The following NYAP2 variants were observed in gnomAD, a reference collection of about 807,000 sequenced individuals.
NYAP2 encodes neuronal tyrosine-phosphorylated phosphoinositide-3-kinase adaptor 2.
A neutral mutation model predicts 50.4 loss-of-function variants in NYAP2; 23 were observed. That is an observed-to-expected ratio of 0.46 (90% CI 0.33 to 0.65). The LOEUF is 0.65. NYAP2 is among the 30% of genes least tolerant of loss of function. The probability of loss-of-function intolerance (pLI) is 0.02; values close to 1 mark genes in which losing one functional copy is unlikely to be tolerated. For missense variants in NYAP2, 885 were observed against 861.0 expected (o/e 1.03, Z -0.35); for synonymous variants, 394 against 365.2 (o/e 1.08, Z -0.90).
the NYAP2 span, among the ~76,000 whole-genome samples, chr2:225,687,711 T>C: frequency 6.6e-6 from 1 of 152,198 alleles, no homozygotes; most frequent in East Asian, 1.9e-4. Context: ...GCAAAATGGA[T>C]AGACTGTACT....
intron 5 of NYAP2, among the ~76,000 whole-genome samples, chr2:225,614,395 A>C (rs1293133590): frequency 1.3e-5 from 2 of 152,198 alleles, no homozygotes; most frequent in Non-Finnish European, 2.9e-5. Context: ...CACTAGCCTC[A>C]TTCAAATTAA....
intron 4 of NYAP2, among the ~76,000 whole-genome samples, chr2:225,533,478 G>C (rs1360321778): frequency 6.6e-6 from 1 of 152,038 alleles, no homozygotes; most frequent in South Asian, 2.1e-4. Context: ...CTTGAGCTCG[G>C]GAGTTTGAAA....
At chr2:225,687,167 G>A in the NYAP2 span, among the ~76,000 whole-genome samples, 3 of 152,102 alleles carry the variant, frequency 2.0e-5, no homozygotes, top group African/African-American at 7.2e-5. Context: ...GATGCTATAC[G>A]TGTAACTTAA....
At chr2:225,590,590 C>G (rs1275771204) in intron 5 of NYAP2, among the ~76,000 whole-genome samples, 1 of 152,194 alleles carries the variant, frequency 6.6e-6, no homozygotes, top group African/African-American at 2.4e-5. Flanking sequence ...TAAATGTGAG[C>G]ATCACCATTG....
intron 3 of NYAP2, among the ~76,000 whole-genome samples, chr2:225,473,499 T>A (rs1225610255): frequency 1.3e-5 from 2 of 152,236 alleles, no homozygotes; most frequent in Non-Finnish European, 2.9e-5. Flanking sequence ...ATGATCACCA[T>A]TCTAACTGGT....
intron 5 of NYAP2, among the ~76,000 whole-genome samples, chr2:225,591,532 A>C: frequency 6.6e-6 from 1 of 152,146 alleles, no homozygotes; most frequent in East Asian, 1.9e-4. Context: ...ATAGTGGCAT[A>C]TACTTAACCT....
chr2:225,452,766 C>T (rs1308222830), intron 3 of NYAP2, among the ~76,000 whole-genome samples: 2 of 152,162 alleles, frequency 1.3e-5, no homozygotes, highest in Non-Finnish European at 2.9e-5. Context: ...CTAATGCAGT[C>T]ATGCACGCGT....
intron 3 of NYAP2, among the ~76,000 whole-genome samples, chr2:225,437,640 C>T (rs1689402998): frequency 6.6e-6 from 1 of 152,092 alleles, no homozygotes; most frequent in South Asian, 2.1e-4. Context: ...AAAATAAAAC[C>T]AACATATCTG....
intron 4 of NYAP2, among the ~76,000 whole-genome samples, chr2:225,554,918 A>G (rs1691750213): frequency 6.6e-6 from 1 of 152,116 alleles, no homozygotes; most frequent in South Asian, 2.1e-4. Context: ...ACATGATAAA[A>G]TGTATTTTAT....
chr2:225,505,507 G>C lies in NYAP2; in HGVS notation c.222-7864G>C, dbSNP rs1054464686. Reference sequence around the variant, plus strand: ...CTGCCTGATTTAAAAACTATATATGGGGCAAATATATAAAGCAGTTAATTA... The same window carrying C: ...CTGCCTGATTTAAAAACTATATATGCGGCAAATATATAAAGCAGTTAATTA... On this transcript the variant is annotated intron_variant, in intron 3 of 6. Coordinates refer to ENST00000636099, the Ensembl canonical transcript of NYAP2. Among the ~76,000 whole-genome samples the C allele has an allele frequency of 2.0e-5, 3 of 152,068 alleles. No homozygotes were observed. In the South Asian group the frequency reaches 6.2e-4, roughly 32 times the overall value.
intron 6 of NYAP2, among the ~76,000 whole-genome samples, chr2:225,644,365 C>G (rs1158054428): frequency 1.3e-5 from 2 of 150,496 alleles, no homozygotes; most frequent in Non-Finnish European, 3.0e-5. Context: ...GAGTAGGTTG[C>G]GAAAATTTTC....
At chr2:225,647,983 C>CGT (rs112987963) in intron 6 of NYAP2, among the ~76,000 whole-genome samples, 3 of 151,848 alleles carry the variant, frequency 2.0e-5, no homozygotes, top group African/African-American at 4.8e-5. Flanking sequence ...TGTGTGTGTG[C>CGT]ATATGTATGT....
intron 5 of NYAP2, among the ~76,000 whole-genome samples, chr2:225,592,545 T>C (rs2106236478): frequency 6.6e-6 from 1 of 152,324 alleles, no homozygotes; most frequent in South Asian, 2.1e-4. Flanking sequence ...TGGCCTATTG[T>C]TATGTTTTTA....
intron 5 of NYAP2, among the ~76,000 whole-genome samples, chr2:225,589,574 G>T (rs754641120): frequency 7.2e-6 from 1 of 138,456 alleles, no homozygotes; most frequent in Non-Finnish European, 1.5e-5. Flanking sequence ...ACATGCCTGC[G>T]GTCCTAGGTC....
At chr2:225,632,429 C>T (rs1693336178) in intron 6 of NYAP2, among the ~76,000 whole-genome samples, 1 of 152,202 alleles carries the variant, frequency 6.6e-6, no homozygotes, top group Admixed American at 6.5e-5. Context: ...TACATACAAA[C>T]TTCTACCAGT....
chr2:225,650,476 GTTTA>G (rs1693711108), intron 6 of NYAP2, among the ~76,000 whole-genome samples: 1 of 152,178 alleles, frequency 6.6e-6, no homozygotes, highest in Non-Finnish European at 1.5e-5. Flanking sequence ...AAAAGCACTT[GTTTA>G]TTTATTAGGC....
intron 3 of NYAP2, among the ~76,000 whole-genome samples, chr2:225,430,648 A>G (rs1289946661): frequency 6.6e-6 from 1 of 152,222 alleles, no homozygotes; most frequent in Non-Finnish European, 1.5e-5. Context: ...CTGAGGCCCA[A>G]GTGCTCAGTT....
At chr2:225,678,731 A>C in the NYAP2 span, among the ~76,000 whole-genome samples, 1 of 152,150 alleles carries the variant, frequency 6.6e-6, no homozygotes, top group Non-Finnish European at 1.5e-5. Context: ...GCCAAGAGGT[A>C]TTTCAACTGA....
At chr2:225,441,340 A>G (rs1320958321) in intron 3 of NYAP2, among the ~76,000 whole-genome samples, 1 of 152,252 alleles carries the variant, frequency 6.6e-6, no homozygotes, top group Non-Finnish European at 1.5e-5. Context: ...GGGCAAAACA[A>G]TGAAAATCTT....
Sources: allele counts gnomAD v4.1 joint callset (sites outside exome capture counted in the v4.1 genomes callset), GRCh38; gene constraint gnomAD v4.1.1; transcripts MANE v1.5; gene names NCBI Gene and HGNC (gene_info 2026-07-23, HGNC 2026-07-21).